Variants in AVEN observed in about 807,000 individuals in gnomAD.
AVEN encodes apoptosis and caspase activation inhibitor.
In AVEN, 41 loss-of-function variants were observed where a neutral mutation model predicts 38.1. That is an observed-to-expected ratio of 1.08 (90% confidence interval 0.84 to 1.40). AVEN has a LOEUF of 1.40. Ranked by LOEUF, AVEN falls within the 40% of genes most tolerant of loss-of-function variation. AVEN has a pLI of 0.00. For synonymous variants in AVEN, 206 were observed against 171.8 expected, an observed-to-expected ratio of 1.20 and a Z score of -1.56; for missense variants, 605 against 438.8, an observed-to-expected ratio of 1.38 and a Z score of -3.38.
chr15:33,905,624 T>C (rs933069798), intron 2 of AVEN, among the ~76,000 whole-genome samples: 1 of 152,066 alleles, frequency 6.6e-6, no homozygotes, highest in Admixed American at 6.5e-5. Flanking sequence ...CAGGAGTTTA[T>C]ATCAGCCTGG....
At chr15:33,977,146 C>T (rs1178379344) in intron 2 of AVEN, among the ~76,000 whole-genome samples, 1 of 152,174 alleles carries the variant, frequency 6.6e-6, no homozygotes, top group Non-Finnish European at 1.5e-5. Context: ...ACAAAATCCG[C>T]ACTACCTTTT....
At chr15:34,044,142 G>C (rs1056307156), upstream of AVEN, among the ~76,000 whole-genome samples, 4 of 150,102 alleles carry the variant, frequency 2.7e-5, no homozygotes, top group African/African-American at 9.8e-5. Context: ...TCCAACTTCT[G>C]CATCATTTCT....
chr15:34,013,495 A>G (rs1897727573), intron 1 of AVEN, among the ~76,000 whole-genome samples: 1 of 152,216 alleles, frequency 6.6e-6, no homozygotes, highest in South Asian at 2.1e-4. Flanking sequence ...GTCCACAGAG[A>G]GCTACTTTTG....
At chr15:33,908,369 T>C (rs1892788967) in intron 2 of AVEN, among the ~76,000 whole-genome samples, 1 of 100,280 alleles carries the variant, frequency 1.0e-5, no homozygotes, top group Non-Finnish European at 2.5e-5. Flanking sequence ...ACAAGCATTA[T>C]TGTTACCTGG....
At chr15:33,855,037 C>T, downstream of AVEN, 1 of 973,994 alleles carries the variant, frequency 1.0e-6, no homozygotes, top group Non-Finnish European at 1.4e-6. Context: ...TTTTCTTGGC[C>T]AAACACTTCA....
At chr15:33,942,977 T>C (rs1229109334) in intron 2 of AVEN, among the ~76,000 whole-genome samples, 1 of 152,198 alleles carries the variant, frequency 6.6e-6, no homozygotes, top group Non-Finnish European at 1.5e-5. Context: ...AAAGTGAATG[T>C]TGGCAAGAAC....
At chr15:33,861,817 TTTTG>T (rs1196603310), downstream of AVEN, among the ~76,000 whole-genome samples, 28 of 152,086 alleles carry the variant, frequency 1.8e-4, 1 homozygote, top group Middle Eastern at 0.02. Flanking sequence ...TACTGCCTTT[TTTTG>T]TTTTTGTTGG....
chr15:33,865,128 C>T, downstream of AVEN: 1 of 1,609,834 alleles, frequency 6.2e-7, no homozygotes, highest in Non-Finnish European at 8.5e-7. Context: ...CATATTATTT[C>T]AGGAATCTTA....
At chr15:33,916,804 C>G (rs930103227) in intron 2 of AVEN, among the ~76,000 whole-genome samples, 21 of 151,430 alleles carry the variant, frequency 1.4e-4, no homozygotes, top group African/African-American at 5.1e-4. Flanking sequence ...ACTGGTGAGA[C>G]TGGGTAATTT....
At chr15:34,003,383 G>T (rs1303789257) in intron 1 of AVEN, among the ~76,000 whole-genome samples, 174 bp from the exon 2 acceptor site, 6 of 152,176 alleles carry the variant, frequency 3.9e-5, no homozygotes, top group African/African-American at 1.4e-4. Context: ...TGTTCTTTTA[G>T]GGTGAACTTT....
At chr15:34,074,757 G>A (rs1900697860) in exon 1 of AVEN, among the ~76,000 whole-genome samples, 1 of 152,080 alleles carries the variant, frequency 6.6e-6, no homozygotes, top group African/African-American at 2.4e-5. Flanking sequence ...TGAAGTACTG[G>A]GAGTTAGGAC....
downstream of AVEN, chr15:33,861,299 T>A (rs1016727652): frequency 1.8e-5 from 12 of 648,970 alleles, no homozygotes; most frequent in African/African-American, 5.4e-5. Flanking sequence ...GGAGTCCCCA[T>A]GAGCCTGTAC....
At chr15:34,049,340 G>A (rs928165904) in intron 5 of AVEN, among the ~76,000 whole-genome samples, 3 of 152,214 alleles carry the variant, frequency 2.0e-5, no homozygotes, top group African/African-American at 7.2e-5. Flanking sequence ...AGCCAGAGTA[G>A]CCAGTTTAGA....
intron 2 of AVEN, among the ~76,000 whole-genome samples, chr15:33,961,777 C>T (rs372875173): frequency 1.1e-4 from 15 of 134,442 alleles, no homozygotes; most frequent in East Asian, 6.6e-4. Context: ...CGCGCCACTG[C>T]ACTCCAGCCT....
intron 2 of AVEN, among the ~76,000 whole-genome samples, chr15:33,908,597 A>G (rs796224024): frequency 4.6e-4 from 70 of 152,292 alleles, no homozygotes; most frequent in African/African-American, 1.7e-3. Context: ...AAGTAGAATC[A>G]TACAGTATTT....
chr15:34,062,945 T>C (rs750841044), exon 5 of AVEN: 13 of 1,614,050 alleles, frequency 8.1e-6, no homozygotes, highest in Non-Finnish European at 1.1e-5. Context: ...CCTGTGCAGA[T>C]CTCATCATTG....
At chr15:34,011,808 T>TGG (rs1254607040) in intron 1 of AVEN, among the ~76,000 whole-genome samples, 4 of 152,190 alleles carry the variant, frequency 2.6e-5, no homozygotes, top group African/African-American at 9.7e-5. Flanking sequence ...GTAATTTGCA[T>TGG]CTGTAGGCAG....
At chr15:33,971,972 G>A (rs900497776) in intron 2 of AVEN, 4 of 152,060 alleles carry the variant, frequency 2.6e-5, no homozygotes, top group African/African-American at 9.7e-5. Context: ...TATGCTTTCA[G>A]TGTGAACTAG....
chr15:33,915,061 C>T (rs928815469), intron 2 of AVEN, among the ~76,000 whole-genome samples: 1 of 152,002 alleles, frequency 6.6e-6, no homozygotes, highest in Non-Finnish European at 1.5e-5. Flanking sequence ...AAATATACAG[C>T]AGTAGTTAAA....
Sources: gnomAD v4.1 joint callset for allele counts (sites outside exome capture counted in the v4.1 genomes callset) on GRCh38, gnomAD v4.1.1 for gene constraint, MANE v1.5 for transcripts, NCBI Gene and HGNC (gene_info 2026-07-23, HGNC 2026-07-21) for gene names.